The following EFNA3 variants were observed in gnomAD, a reference collection of about 807,000 sequenced individuals.
EFNA3 encodes ephrin A3, also known as ephrin-A3.
EFNA3 carries 15 observed loss-of-function variants against 25.0 expected under a neutral mutation model. The observed-to-expected ratio is 0.60, with a 90% CI of 0.40 to 0.92. The LOEUF (loss-of-function observed/expected upper bound fraction) is 0.92, where lower values mean the gene tolerates loss of function less well. Among genes scored for constraint, EFNA3 ranks in the 40% least tolerant of loss-of-function variants. The pLI is 0.00. For missense variants in EFNA3, 298 were observed against 323.8 expected (o/e 0.92, Z 0.61); for synonymous variants, 153 against 145.6 (o/e 1.05, Z -0.37).
In EFNA3 at chr1:155,085,169, G is replaced by A. The variant is rs750509227; in HGVS notation, c.207G>A (p.Ser69=). 1.9e-6 allele frequency: 3 copies of A among 1,613,304 alleles called. No homozygotes were observed. The highest frequency in any genetic ancestry group is 2.5e-6 in the Non-Finnish European group (3 of 1,180,022). The part of the protein sequence containing the change: ...LDIYCPHYNS[S]GVGPGAGPGP... The stretch of plus-strand genomic sequence containing the variant: ...TTTACTGCCCGCACTACAACAGCTC[G>A]GGGGTGGGCCCCGGGGCGGGACCGG... Residue 69 remains serine (S), a synonymous_variant, in exon 2 of 5, where the codon TCG becomes TCA. Transcript: ENST00000368408. This position sits in a 1 kb window ranked among gnomAD's most constrained non-coding sequence, Gnocchi z 4.4.
chr1:155,086,647 C>A lies in EFNA3; in HGVS notation c.*104C>A. The A allele has an allele frequency of 6.9e-7, 1 of 1,439,320 alleles. No homozygotes were observed. Among genetic ancestry groups the A allele is most frequent in the Non-Finnish European group, 9.4e-7 (1 of 1,066,304 alleles). The allele number at this position is 1,439,320 out of a possible 1,614,324, so 89.2% of individuals were successfully genotyped here. On this transcript the variant is annotated 3_prime_UTR_variant, in exon 5 of 5. Transcript: ENST00000368408. ...GCCTAGTGGGCCTAGACCCCTCCTC[C>A]CATGGCTAGAAGTGGGGCCTGCACC...
rs758964743 is a variant in EFNA3 at position 155,086,142 on chromosome 1, G to A, written c.523G>A (p.Glu175Lys). 2 of 1,613,242 alleles carry A rather than the reference G, an allele frequency of 1.2e-6. No individual in the cohort carries two copies. Among genetic ancestry groups the A allele is most frequent in the East Asian group, 2.2e-5 (1 of 44,836 alleles). ...VCCASTSHSG[E>K]KPVPTLPQFT... ...CCACCCCGCAGCATCGCACTCCGGGGAGAAGCCGGTCCCCACTCTCCCCCA... is the reference window on the plus strand; with the variant it reads ...CCACCCCGCAGCATCGCACTCCGGGAAGAAGCCGGTCCCCACTCTCCCCCA... Residue 175 changes from glutamate to lysine, a missense_variant, in exon 4 of 5, where the codon GAG becomes AAG. By Grantham distance (56) the Glu-to-Lys change is moderately conservative (BLOSUM62 1). Transcript: ENST00000368408.
At chr1:155,083,619 T>C (rs1056244241) in intron 1 of EFNA3, among the ~76,000 whole-genome samples, 1 of 152,176 alleles carries the variant, frequency 6.6e-6, no homozygotes, top group Non-Finnish European at 1.5e-5. Flanking sequence ...TTGGAATGGG[T>C]TGCTGGTGGA....
chr1:155,085,223 G>A lies in EFNA3; in HGVS notation c.261G>A (p.Val87=). 2 of 1,613,218 alleles carry A rather than the reference G, an allele frequency of 1.2e-6. No homozygotes were observed. The highest frequency in any genetic ancestry group is 2.2e-5 in the East Asian group (1 of 44,868). ...CCGGAGGCGGGGCAGAGCAGTACGT[G>A]CTGTACATGGTGAGCCGCAACGGCT... The part of the protein sequence containing the change: ...PGPGGGAEQY[V]LYMVSRNGYR... Residue 87 remains valine (V), a synonymous_variant, in exon 2 of 5, where the codon GTG becomes GTA. Coordinates refer to ENST00000368408, the MANE Select transcript of EFNA3 (RefSeq NM_004952.5). This position sits in a 1 kb window ranked among gnomAD's most constrained non-coding sequence, Gnocchi z 4.4.
chr1:155,086,007 T>G, intron 3 of EFNA3, 65 bp downstream of exon 3: 1 of 1,574,622 alleles, frequency 6.4e-7, no homozygotes, highest in East Asian at 2.4e-5. Flanking sequence ...CTCCCCTGGC[T>G]TCCTGGGGGT....
At position 155,086,701 on chromosome 1, in the gene EFNA3, T is replaced by G; in HGVS notation, c.*158T>G. 1 of 899,606 alleles carries G rather than the reference T, an allele frequency of 1.1e-6. No individual in the cohort carries two copies. The allele number at this position is 899,606 out of a possible 1,614,324, so 55.7% of individuals were successfully genotyped here. ...CATCTGTGTCCGCCCCCTCTACCCC[T>G]TCCCCCCACGTAGGGCACTGTAGTG... On this transcript the variant is annotated 3_prime_UTR_variant, in exon 5 of 5. Transcript: ENST00000368408.
At chr1:155,082,772 T>G (rs933885606) in intron 1 of EFNA3, among the ~76,000 whole-genome samples, 4 of 152,172 alleles carry the variant, frequency 2.6e-5, no homozygotes, top group Non-Finnish European at 5.9e-5. Context: ...GAGGCGGGGT[T>G]AGCTGCGGAG....
At chr1:155,082,576 G>A (rs1663362599) in intron 1 of EFNA3, among the ~76,000 whole-genome samples, 1 of 152,204 alleles carries the variant, frequency 6.6e-6, no homozygotes, top group South Asian at 2.1e-4. Context: ...AGGAGAGACC[G>A]AAATAACGGG....
chr1:155,080,830 C>G lies in EFNA3; in HGVS notation c.128+1761C>G, dbSNP rs1184044685. Among the ~76,000 whole-genome samples, 1 of 152,174 alleles carries G rather than the reference C, an allele frequency of 6.6e-6. No individual in the cohort carries two copies. The highest frequency in any genetic ancestry group is 1.5e-5 in the Non-Finnish European group (1 of 68,010). ...CGGCAGAGGTAGGAGGGGGCGCACA[C>G]CGGGCCAGGAGGCTGCCGCCGCCCC... On this transcript the variant is annotated intron_variant, in intron 1 of 4. Transcript: ENST00000368408. This position sits in a 1 kb window ranked among gnomAD's most constrained non-coding sequence, Gnocchi z 7.0.
At position 155,078,916 on chromosome 1, in the gene EFNA3, G is replaced by GGGC. The variant is rs886197249; in HGVS notation, c.-10_-8dup. ...GCCGGGAGCGCGGGGCTCAGTCGGG[G>GGGC]GGCGGCGGCGGCGGCGGCTCCGGGG... On this transcript the variant is annotated 5_prime_UTR_variant, in exon 1 of 5. Transcript: ENST00000368408. The GGGC allele has an allele frequency of 9.2e-5, 127 of 1,376,154 alleles. No homozygotes were observed. The highest frequency in any genetic ancestry group is 1.1e-4 in the Non-Finnish European group (118 of 1,066,164). The allele number at this position is 1,376,154 out of a possible 1,614,324, so 85.2% of individuals were successfully genotyped here.
In EFNA3 at chr1:155,085,437, A is replaced by G. The variant is rs754309262; in HGVS notation, c.442+33A>G. ...ACGGCGGCCGGGCGGGCGGGTCTGA[A>G]CGCGAGAGTCTGAGTGACAGCCGGG... is the stretch of plus-strand genomic sequence containing the variant. On this transcript the variant is annotated intron_variant, in intron 2 of 4. Coordinates refer to ENST00000368408, the MANE Select transcript of EFNA3 (RefSeq NM_004952.5). The surrounding 1 kb of genome is among the most constrained non-coding windows in gnomAD (Gnocchi z 4.4). 4 of 1,517,584 alleles carry G rather than the reference A, an allele frequency of 2.6e-6. No homozygotes were observed. The highest frequency in any genetic ancestry group is 2.8e-5 in the African/African-American group (2 of 72,190). 94.0% of individuals were successfully genotyped at this position (1,517,584 alleles called of 1,614,324 possible).
At position 155,079,193 on chromosome 1, in the gene EFNA3, G is replaced by A; in HGVS notation, c.128+124G>A. ...GGAGACCAGAGCTGGGGGCTGGGAG[G>A]GGACGGAGAGGGGGACGCACTCTGT... On this transcript the variant is annotated intron_variant, in intron 1 of 4. Transcript: ENST00000368408. This position sits in a 1 kb window ranked among gnomAD's most constrained non-coding sequence, Gnocchi z 7.7. The A allele has an allele frequency of 9.2e-7, 1 of 1,082,180 alleles. No individual in the cohort carries two copies. The highest frequency in any genetic ancestry group is 1.2e-6 in the Non-Finnish European group (1 of 834,966). 67.0% of individuals were successfully genotyped at this position (1,082,180 alleles called of 1,614,324 possible).
In EFNA3 at chr1:155,081,912, T is replaced by TGCAGATCAATAAACCTTCGCCGCCGCC. The variant is rs1663349109; in HGVS notation, c.128+2846_128+2872dup. Among the ~76,000 whole-genome samples the TGCAGATCAATAAACCTTCGCCGCCGCC allele has an allele frequency of 1.3e-5, 2 of 152,212 alleles. No homozygotes were observed. The highest frequency in any genetic ancestry group is 4.8e-5 in the African/African-American group (2 of 41,458). On this transcript the variant is annotated intron_variant, in intron 1 of 4. Coordinates refer to ENST00000368408, the MANE Select transcript of EFNA3 (RefSeq NM_004952.5). The surrounding 1 kb of genome is among the most constrained non-coding windows in gnomAD (Gnocchi z 5.2). Reference sequence around the variant, plus strand: ...CAGGTCTCTCGCTCCTCTCCGCCGCTGCAGATCAATAAACCTTCGCCGCCG... The same window carrying TGCAGATCAATAAACCTTCGCCGCCGCC: ...CAGGTCTCTCGCTCCTCTCCGCCGCTGCAGATCAATAAACCTTCGCCGCCGCCGCAGATCAATAAACCTTCGCCGCCG...
chr1:155,085,129 A>G lies in EFNA3; in HGVS notation c.167A>G (p.Asn56Ser). 1 of 1,613,678 alleles carries G rather than the reference A, an allele frequency of 6.2e-7. No homozygotes were observed. The highest frequency in any genetic ancestry group is 8.5e-7 in the Non-Finnish European group (1 of 1,179,990). Residue 56 changes from asparagine (N) to serine (S), a missense_variant, in exon 2 of 5, where the codon AAC (asparagine) becomes AGC (serine). Coordinates refer to ENST00000368408, the MANE Select transcript of EFNA3 (RefSeq NM_004952.5). The surrounding 1 kb of genome is among the most constrained non-coding windows in gnomAD (Gnocchi z 4.4). Reference sequence around the variant, plus strand: ...GGCTACACCGTGCAGGTGAACGTGAACGACTATCTGGATATTTACTGCCCG... The same window carrying G: ...GGCTACACCGTGCAGGTGAACGTGAGCGACTATCTGGATATTTACTGCCCG... ...REGYTVQVNV[N>S]DYLDIYCPHY...
chr1:155,086,876 C>T lies in EFNA3; in HGVS notation c.*333C>T, dbSNP rs1663477310. 1.1e-5 allele frequency: 3 copies of T among 269,734 alleles called. No individual in the cohort carries two copies. Among genetic ancestry groups the T allele is most frequent in the Middle Eastern group, 1.3e-3 (1 of 788 alleles). The allele number at this position is 269,734 out of a possible 1,614,324, so 16.7% of individuals were successfully genotyped here. A position where few individuals can be genotyped will look rare whatever the true frequency, so the allele number is the denominator to read the frequency against. The stretch of plus-strand genomic sequence containing the variant: ...CTCCTGGTGCCCTCTCCCTTTGTCC[C>T]CCCAGAGAGACATATGCCCCCAGAG... On this transcript the variant is annotated 3_prime_UTR_variant, in exon 5 of 5. Coordinates refer to ENST00000368408, the MANE Select transcript of EFNA3 (RefSeq NM_004952.5).
Position 155,086,677 on chromosome 1 carries a change from ATCTGTGTCCGCCCCC to A in EFNA3, c.*138_*152del, listed in dbSNP as rs1663471711. On this transcript the variant is annotated 3_prime_UTR_variant, in exon 5 of 5. Coordinates refer to ENST00000368408, the MANE Select transcript of EFNA3 (RefSeq NM_004952.5). ...GCTAGAAGTGGGGCCTGCACCATAC[ATCTGTGTCCGCCCCC>A]TCTACCCCTTCCCCCCACGTAGGGC... 15 of 1,145,878 alleles carry A rather than the reference ATCTGTGTCCGCCCCC, an allele frequency of 1.3e-5. No individual in the cohort carries two copies. The highest frequency in any genetic ancestry group is 2.6e-5 in the Admixed American group (1 of 38,426). The allele number at this position is 1,145,878 out of a possible 1,614,324, so 71.0% of individuals were successfully genotyped here.
chr1:155,087,224 CT>C lies in EFNA3; in HGVS notation c.*682del, dbSNP rs1040093082. On this transcript the variant is annotated 3_prime_UTR_variant, in exon 5 of 5. Coordinates refer to ENST00000368408, the MANE Select transcript of EFNA3 (RefSeq NM_004952.5). ...CAGAGTCCCTTCCCTCTTTAACCCC[CT>C]GACCTTTCTTGACTTCCCCTTCAGC... The C allele has an allele frequency of 1.2e-4, 19 of 152,960 alleles. 1 individual carries two copies. Among genetic ancestry groups the C allele is most frequent in the African/African-American group, 4.3e-4 (18 of 41,536 alleles). The allele number at this position is 152,960 out of a possible 1,614,324, so 9.5% of individuals were successfully genotyped here.
At chr1:155,086,095 C>T (rs1199729591) in intron 3 of EFNA3, 33 bp from the exon 4 acceptor site, 2 of 1,601,744 alleles carry the variant, frequency 1.2e-6, no homozygotes, top group East Asian at 2.2e-5. Context: ...TGACTCTCCC[C>T]TCCTCTCTCC....
chr1:155,084,438 T>C (rs533611885), intron 1 of EFNA3, among the ~76,000 whole-genome samples: 184 of 152,294 alleles, frequency 1.2e-3, no homozygotes, highest in South Asian at 2.5e-3. Flanking sequence ...CAGCCCAGCT[T>C]TTCTGTGTGT....
Sources: allele counts gnomAD v4.1 joint callset (sites outside exome capture counted in the v4.1 genomes callset), GRCh38; gene constraint gnomAD v4.1.1; non-coding constraint Gnocchi (gnomAD v3.1); transcripts MANE v1.5; gene names NCBI Gene and HGNC (gene_info 2026-07-23, HGNC 2026-07-21).